The following XYLT1 variants were observed in gnomAD, a reference collection of about 807,000 sequenced individuals.
XYLT1 encodes the protein xylosyltransferase 1, also known as beta-D-xylosyltransferase 1.
XYLT1 carries 36 observed loss-of-function variants against 91.3 expected under a neutral mutation model. The ratio of observed to expected loss-of-function variants is 0.39; its 90% CI spans 0.30 to 0.52. The LOEUF (loss-of-function observed/expected upper bound fraction) is 0.52, where lower values mean the gene tolerates loss of function less well. XYLT1 is among the 20% of genes least tolerant of loss of function. XYLT1 has a pLI of 0.68. For missense variants in XYLT1, 1,242 were observed against 1,284.5 expected, an observed-to-expected ratio of 0.97 and a Z score of 0.51; for synonymous variants, 588 against 532.0, an observed-to-expected ratio of 1.11 and a Z score of -1.45.
intron 5 of XYLT1, among the ~76,000 whole-genome samples, chr16:17,174,581 A>T (rs1197297924): frequency 1.3e-5 from 2 of 152,216 alleles, no homozygotes; most frequent in African/African-American, 4.8e-5. Context: ...AAATCCACAG[A>T]AACAGAAAGC....
chr16:17,311,217 A>AG (rs2034542686), intron 2 of XYLT1, among the ~76,000 whole-genome samples: 1 of 152,192 alleles, frequency 6.6e-6, no homozygotes, highest in African/African-American at 2.4e-5. Flanking sequence ...GGCCTCAAGG[A>AG]GCCCAGCAGT....
intron 2 of XYLT1, among the ~76,000 whole-genome samples, chr16:17,330,483 G>A (rs2034878043): frequency 6.6e-6 from 1 of 152,054 alleles, no homozygotes; most frequent in Non-Finnish European, 1.5e-5. Context: ...GGCTAGAGGT[G>A]CCATAGAAAA....
intron 4 of XYLT1, among the ~76,000 whole-genome samples, chr16:17,198,967 C>T (rs1297537704): frequency 1.3e-5 from 2 of 152,190 alleles, no homozygotes; most frequent in Non-Finnish European, 2.9e-5. Flanking sequence ...TGGTCTGGAA[C>T]TCCTGACCTC....
chr16:17,366,872 G>C (rs1029975376), intron 1 of XYLT1, among the ~76,000 whole-genome samples: 1 of 152,138 alleles, frequency 6.6e-6, no homozygotes, highest in African/African-American at 2.4e-5. Context: ...GGACCACTAA[G>C]CTACCCTGCT....
At chr16:17,434,501 A>G (rs143466156) in intron 1 of XYLT1, among the ~76,000 whole-genome samples, 1 of 152,302 alleles carries the variant, frequency 6.6e-6, no homozygotes, top group East Asian at 1.9e-4. Flanking sequence ...TATAAACAAA[A>G]CAGATCAGGC....
At chr16:17,375,986 T>C (rs1405174497) in intron 1 of XYLT1, among the ~76,000 whole-genome samples, 1 of 152,234 alleles carries the variant, frequency 6.6e-6, no homozygotes, top group African/African-American at 2.4e-5. Flanking sequence ...ACTGAGTGTG[T>C]TTGCTTGCGT....
At chr16:17,249,947 A>T (rs2033510165) in intron 3 of XYLT1, 1 of 152,326 alleles carries the variant, frequency 6.6e-6, no homozygotes, top group South Asian at 2.1e-4. Flanking sequence ...AAGTGCTGAG[A>T]TCACAGGCGT....
intron 1 of XYLT1, among the ~76,000 whole-genome samples, chr16:17,465,559 G>C (rs997770863): frequency 1.1e-4 from 16 of 140,108 alleles, no homozygotes; most frequent in Admixed American, 7.6e-4. Context: ...TTTTTTTTGG[G>C]GGGGGGGGGG....
chr16:17,357,098 A>C (rs1215720179), intron 2 of XYLT1, among the ~76,000 whole-genome samples: 1 of 139,676 alleles, frequency 7.2e-6, no homozygotes, highest in Non-Finnish European at 1.5e-5. Context: ...AATGGCGTGA[A>C]CCCGGGAGGC....
chr16:17,286,524 T>A (rs2034142608), intron 2 of XYLT1, among the ~76,000 whole-genome samples: 1 of 152,200 alleles, frequency 6.6e-6, no homozygotes. Context: ...CCCATGTGGA[T>A]CCTTGATCAA....
chr16:17,145,706 G>A (rs1044694698), intron 6 of XYLT1, among the ~76,000 whole-genome samples: 1 of 152,158 alleles, frequency 6.6e-6, no homozygotes, highest in Admixed American at 6.5e-5. Context: ...ACTTGCATTT[G>A]AAAAAGTCCT....
At chr16:17,465,268 C>CT (rs1258280378) in intron 1 of XYLT1, among the ~76,000 whole-genome samples, 1 of 151,534 alleles carries the variant, frequency 6.6e-6, no homozygotes, top group Non-Finnish European at 1.5e-5. Context: ...AGGGGCAGGC[C>CT]TGGGTTTGGA....
chr16:17,139,014 A>G (rs2030878146), intron 7 of XYLT1, among the ~76,000 whole-genome samples: 1 of 152,112 alleles, frequency 6.6e-6, no homozygotes, highest in Admixed American at 6.6e-5. Context: ...TAGGGAAGGG[A>G]GTGGGTGGGG....
chr16:17,353,120 T>C (rs1194583176), intron 2 of XYLT1, among the ~76,000 whole-genome samples: 2 of 152,226 alleles, frequency 1.3e-5, no homozygotes, highest in African/African-American at 4.8e-5. Context: ...TGGTTGGTTT[T>C]GAAAACCCAG....
chr16:17,151,597 G>C (rs1337411838), intron 6 of XYLT1, among the ~76,000 whole-genome samples: 1 of 152,148 alleles, frequency 6.6e-6, no homozygotes, highest in Non-Finnish European at 1.5e-5. Context: ...GTGAATATCT[G>C]TAAGGTGCTT....
chr16:17,448,138 CG>C (rs762182948), intron 1 of XYLT1, among the ~76,000 whole-genome samples: 4 of 152,170 alleles, frequency 2.6e-5, no homozygotes, highest in Non-Finnish European at 5.9e-5. Context: ...GAGGCCAAGG[CG>C]GGTGGATCAC....
chr16:17,324,506 A>C (rs566018079), intron 2 of XYLT1, among the ~76,000 whole-genome samples: 13 of 152,324 alleles, frequency 8.5e-5, no homozygotes, highest in Admixed American at 1.3e-4. Context: ...ACAAAAAAAG[A>C]AGCATTAAAA....
At chr16:17,323,972 A>G (rs549985069) in intron 2 of XYLT1, among the ~76,000 whole-genome samples, 2 of 152,320 alleles carry the variant, frequency 1.3e-5, no homozygotes, top group East Asian at 1.9e-4. Flanking sequence ...CGTATCTACT[A>G]AAGTATGAAA....
At chr16:17,367,454 C>T (rs778158038) in intron 1 of XYLT1, among the ~76,000 whole-genome samples, 10 of 152,206 alleles carry the variant, frequency 6.6e-5, no homozygotes, top group Non-Finnish European at 1.2e-4. Flanking sequence ...GGCCGCAGCA[C>T]CTATCAATTT....
Sources: allele counts gnomAD v4.1 joint callset (sites outside exome capture counted in the v4.1 genomes callset), GRCh38; gene constraint gnomAD v4.1.1; transcripts MANE v1.5; gene names NCBI Gene and HGNC (gene_info 2026-07-23, HGNC 2026-07-21).